Variants in FLNB observed in about 807,000 individuals in gnomAD.
FLNB encodes filamin-B.
FLNB carries 111 observed loss-of-function variants against 250.6 expected under a neutral mutation model. The observed-to-expected ratio is 0.44, with a 90% CI of 0.38 to 0.52. The LOEUF (loss-of-function observed/expected upper bound fraction) is 0.52, where lower values mean the gene tolerates loss of function less well. FLNB is among the 20% of genes least tolerant of loss of function. The pLI, the probability that FLNB is intolerant of heterozygous loss-of-function variation, is 0.00. For missense variants in FLNB, 2,869 were observed against 3,447.8 expected (o/e 0.83, Z 4.20); for synonymous variants, 1,302 against 1,372.1 (o/e 0.95, Z 1.13).
rs1282921305 is a variant in FLNB, at chr3:58,143,528, GGA to G, written c.5341_5342del (p.Asp1781ArgfsTer6). On this transcript the variant is annotated frameshift_variant, in exon 32 of 46. Transcript: ENST00000295956. LOFTEE classifies it high-confidence loss of function. ...TATPEIVDNKDGTVTVRYAPT... is the reference protein window; with the variant it reads ...TATPEIVDNKXGTVTVRYAPT... ...CCACACCTGAGATTGTGGACAACAA[GGA>G]CGGCACGGTCACTGTTAGATATGCC... The G allele has an allele frequency of 1.2e-6, 2 of 1,614,150 alleles. No individual in the cohort carries two copies. The highest frequency in any genetic ancestry group is 2.2e-5 in the South Asian group (2 of 91,088).
rs370592556 is a variant in FLNB, at chr3:58,148,544, G to A, written c.5888-105G>A. On this transcript the variant is annotated intron_variant, in intron 35 of 45. Transcript: ENST00000295956. ...CATTGTGATATCGACACTCTGGATT[G>A]TTGGGTGTCAGGAAAGAGGACATAT... The A allele has an allele frequency of 4.2e-4, 530 of 1,249,484 alleles. 2 individuals are homozygous for A. Among genetic ancestry groups the A allele is most frequent in the South Asian group, 3.6e-3 (290 of 79,840 alleles). 77.4% of individuals were successfully genotyped at this position (1,249,484 alleles called of 1,614,324 possible).
rs187366190 is a variant in FLNB, at chr3:58,087,235, T to A, written c.787+5459T>A. ...GAATATTTGACATTAAGGAATTATT[T>A]TTTTTTATATGGTATCGATATTGTG... On this transcript the variant is annotated intron_variant, in intron 4 of 45. Transcript: ENST00000295956. Among the ~76,000 whole-genome samples, 9 of 152,370 alleles carry A rather than the reference T, an allele frequency of 5.9e-5. No individual in the cohort carries two copies. In the East Asian group the frequency reaches 9.6e-4, roughly 16 times the overall value.
intron 18 of FLNB, among the ~76,000 whole-genome samples, chr3:58,117,541 G>A (rs748818503): frequency 1.4e-4 from 21 of 152,162 alleles, no homozygotes; most frequent in Non-Finnish European, 2.5e-4. Context: ...GGGGCTGTGG[G>A]GAAACGGAAG....
intron 35 of FLNB, 133 bp from the exon 36 acceptor site, chr3:58,148,516 G>C: frequency 8.2e-7 from 1 of 1,217,738 alleles, no homozygotes; most frequent in East Asian, 2.5e-5. Flanking sequence ...AAGCGTATTT[G>C]TGCATTGTGA....
intron 1 of FLNB, among the ~76,000 whole-genome samples, chr3:58,017,609 G>A (rs1011853373): frequency 6.6e-6 from 1 of 152,270 alleles, no homozygotes; most frequent in African/African-American, 2.4e-5. Flanking sequence ...ACTGAGCTAT[G>A]TTTGAAGCTC....
At position 58,149,976 on chromosome 3, in the gene FLNB, C is replaced by T. The variant is rs1378316057; in HGVS notation, c.6218C>T (p.Thr2073Ile). ...PTVPGVYIVS[T>I]KFADEHVPGS... ...GTGCCTGGGGTTTATATCGTCTCCA[C>T]CAAATTCGCTGACGAGCACGTGCCT... Residue 2073 changes from threonine to isoleucine, a missense_variant, in exon 37 of 46, where the codon ACC becomes ATC. Transcript: ENST00000295956. 1.9e-6 allele frequency: 3 copies of T among 1,614,270 alleles called. No homozygotes were observed. Among genetic ancestry groups the T allele is most frequent in the East Asian group, 2.2e-5 (1 of 44,892 alleles).
intron 9 of FLNB, among the ~76,000 whole-genome samples, chr3:58,103,284 G>A (rs1205593300): frequency 1.3e-5 from 2 of 151,954 alleles, no homozygotes; most frequent in Admixed American, 1.3e-4. Context: ...GTGTGTGTGT[G>A]TGTGTGTGTG....
chr3:58,076,868 T>C, intron 1 of FLNB, among the ~76,000 whole-genome samples, 178 bp from the exon 2 acceptor site: 1 of 152,234 alleles, frequency 6.6e-6, no homozygotes, highest in East Asian at 1.9e-4. Flanking sequence ...TGGAATCATA[T>C]TTCATCTGTT....
At chr3:58,086,007 G>A (rs1246041018) in intron 4 of FLNB, among the ~76,000 whole-genome samples, 3 of 151,944 alleles carry the variant, frequency 2.0e-5, no homozygotes, top group Admixed American at 1.3e-4. Flanking sequence ...TGTTGTTGTC[G>A]TTTTCAGATA....
Position 58,169,620 on chromosome 3 carries a change from A to G in FLNB, c.7448A>G (p.Asn2483Ser), listed in dbSNP as rs145849608. 2.1e-5 allele frequency: 34 copies of G among 1,614,088 alleles called. No homozygotes were observed. The highest frequency in any genetic ancestry group is 9.3e-5 in the African/African-American group (7 of 74,992). The change falls in exon 45 of 46, where the codon AAC (asparagine) becomes AGC (serine). Residue 2483 changes from asparagine (N) to serine (S), a missense_variant. Coordinates refer to ENST00000295956, the MANE Select transcript of FLNB (RefSeq NM_001457.4). The surrounding 1 kb of genome is among the most constrained non-coding windows in gnomAD (Gnocchi z 4.8). ...CGTCTAGTTAGCCCTGGCTCAGCCAACGAGACCTCATCCATCCTGGTGGAG... is the reference window on the plus strand; with the variant it reads ...CGTCTAGTTAGCCCTGGCTCAGCCAGCGAGACCTCATCCATCCTGGTGGAG... ...GQRLVSPGSA[N>S]ETSSILVESV...
At position 58,153,612 on chromosome 3, in the gene FLNB, G is replaced by C; in HGVS notation, c.6605G>C (p.Gly2202Ala). ...GAHKVRAGGPGLERGEAGVPA... is the reference protein window; with the variant it reads ...GAHKVRAGGPALERGEAGVPA... ...CACAAGGTGCGGGCAGGAGGCCCTG[G>C]CCTGGAGAGAGGAGAAGCGGGAGTC... Residue 2202 changes from glycine (G) to alanine (A), a missense_variant, in exon 39 of 46, where the codon GGC becomes GCC. Coordinates refer to ENST00000295956, the MANE Select transcript of FLNB (RefSeq NM_001457.4). 6.2e-7 allele frequency: 1 copy of C among 1,614,136 alleles called. No homozygotes were observed. The highest frequency in any genetic ancestry group is 1.1e-5 in the South Asian group (1 of 91,082).
rs34935660 is a variant in FLNB at position 58,046,455 on chromosome 3, G to GTT, written c.293-30579_293-30578dup. 2.6e-3 allele frequency among the ~76,000 whole-genome samples: 376 copies of GTT among 144,150 alleles called. 1 individual carries two copies. Among genetic ancestry groups the GTT allele is most frequent in the East Asian group, 8.1e-3 (40 of 4,956 alleles). The allele number at this position is 144,150 out of a possible 152,430, so 94.6% of individuals were successfully genotyped here. On this transcript the variant is annotated intron_variant, in intron 1 of 45. Transcript: ENST00000295956. ...CTATCATCACTATAATTTTAGAATT[G>GTT]TTTTTTTTTTTTTGGAGACGGAGTC...
chr3:58,065,118 G>A (rs910717447), intron 1 of FLNB, among the ~76,000 whole-genome samples: 8 of 152,310 alleles, frequency 5.3e-5, no homozygotes, highest in Admixed American at 1.3e-4. Context: ...AGGGGACTGT[G>A]CTCTGTGTGC....
At chr3:58,061,409 G>C (rs2097178297) in intron 1 of FLNB, among the ~76,000 whole-genome samples, 1 of 151,972 alleles carries the variant, frequency 6.6e-6, no homozygotes. Context: ...TTTTTTTGAT[G>C]ATGTATGTCA....
rs995700889 is a variant in FLNB, at chr3:58,132,083, A to T, written c.4391-725A>T. On this transcript the variant is annotated intron_variant, in intron 25 of 45. Coordinates refer to ENST00000295956, the MANE Select transcript of FLNB (RefSeq NM_001457.4). ...AATGCTTCTTGCTGGCCTCACTTCT[A>T]AAATTGCTTACACCTGCCTCATCTG... 1.4e-5 allele frequency: 15 copies of T among 1,109,732 alleles called. No individual in the cohort carries two copies. In the Middle Eastern group the frequency reaches 5.8e-4, roughly 43 times the overall value. 68.7% of individuals were successfully genotyped at this position (1,109,732 alleles called of 1,614,324 possible). A position where few individuals can be genotyped will look rare whatever the true frequency, so the allele number is the denominator to read the frequency against.
rs1174805764 is a variant in FLNB at position 58,024,701 on chromosome 3, C to CTTTTTTTTTTTTTTTTTTTT, written c.292+15853_292+15872dup. 1.3e-4 allele frequency among the ~76,000 whole-genome samples: 11 copies of CTTTTTTTTTTTTTTTTTTTT among 83,770 alleles called. 4 individuals are homozygous for CTTTTTTTTTTTTTTTTTTTT. Among genetic ancestry groups the CTTTTTTTTTTTTTTTTTTTT allele is most frequent in the East Asian group, 8.6e-4 (2 of 2,334 alleles). 55.0% of individuals were successfully genotyped at this position (83,770 alleles called of 152,430 possible). ...ATTTCTGGTCTTCTGGCCAAGCCTC[C>CTTTTTTTTTTTTTTTTTTTT]TTTTTTTTTTTTTTTTTTTTTTTTT... On this transcript the variant is annotated intron_variant, in intron 1 of 45. Coordinates refer to ENST00000295956, the MANE Select transcript of FLNB (RefSeq NM_001457.4).
intron 15 of FLNB, 80 bp from the exon 16 acceptor site, chr3:58,109,930 G>A: frequency 9.6e-6 from 15 of 1,564,276 alleles, no homozygotes; most frequent in Non-Finnish European, 1.2e-5. Context: ...GCTTTTTGAG[G>A]GTGTTAACCT....
chr3:58,163,642 G>T (rs1382261403), intron 43 of FLNB: 1 of 396,752 alleles, frequency 2.5e-6, no homozygotes, highest in Non-Finnish European at 4.7e-6. Flanking sequence ...ACACAGCACA[G>T]TGTCATTAAT....
chr3:58,130,723 C>T lies in FLNB; in HGVS notation c.4223-18C>T. The T allele has an allele frequency of 1.2e-6, 2 of 1,609,016 alleles. No homozygotes were observed. Among genetic ancestry groups the T allele is most frequent in the South Asian group, 2.2e-5 (2 of 89,964 alleles). Reference sequence around the variant, plus strand: ...CAATTCCCAGCTTGTGCTCAGAATCCCACAACCTCTCTTCCAGGCAGCCCC... The same window carrying T: ...CAATTCCCAGCTTGTGCTCAGAATCTCACAACCTCTCTTCCAGGCAGCCCC... On this transcript the variant is annotated intron_variant, in intron 24 of 45. Coordinates refer to ENST00000295956, the MANE Select transcript of FLNB (RefSeq NM_001457.4).
Sources: allele counts gnomAD v4.1 joint callset (sites outside exome capture counted in the v4.1 genomes callset), GRCh38; gene constraint gnomAD v4.1.1; non-coding constraint Gnocchi (gnomAD v3.1); transcripts MANE v1.5; gene names NCBI Gene and HGNC (gene_info 2026-07-23, HGNC 2026-07-21).